Variants in SCARA5 observed in about 807,000 individuals in gnomAD.
SCARA5 encodes scavenger receptor class A member 5.
In SCARA5, 45 loss-of-function variants were observed where a neutral mutation model predicts 46.3. That is an observed-to-expected ratio of 0.97 (90% CI 0.76 to 1.24). SCARA5 has a LOEUF of 1.24. Among genes scored for constraint, SCARA5 ranks in the 50% most tolerant of loss-of-function variants. The probability of loss-of-function intolerance (pLI) is 0.00; values close to 1 mark genes in which losing one functional copy is unlikely to be tolerated. For synonymous variants in SCARA5, 333 were observed against 306.5 expected, an observed-to-expected ratio of 1.09 and a Z score of -0.90; for missense variants, 680 against 689.0, an observed-to-expected ratio of 0.99 and a Z score of 0.15.
rs1253422637 is a variant in SCARA5, at chr8:27,922,173, A to G, written c.314T>C (p.Phe105Ser). The G allele has an allele frequency of 6.2e-7, 1 of 1,607,540 alleles. No homozygotes were observed. The highest frequency in any genetic ancestry group is 8.5e-7 in the Non-Finnish European group (1 of 1,177,810). The change falls in exon 4 of 9, where the codon TTC becomes TCC. Residue 105 changes from phenylalanine (F) to serine (S), a missense_variant. Phe to Ser is a radical substitution (Grantham distance 155, BLOSUM62 -2). Around this residue, in one of 3 missense-constraint regions of SCARA5, gnomAD observed 438 missense variants for 384.5 expected, o/e 1.14. Coordinates refer to ENST00000354914, the MANE Select transcript of SCARA5 (RefSeq NM_173833.6). ...CAGCAGCCGCAGCTGCAAGTCCCGG[A>G]AGCTCTCATTCAGCCGGTTCACATT... is the stretch of plus-strand genomic sequence containing the variant. ...TRNVNRLNES[F>S]RDLQLRLLQA...
At chr8:27,875,535 GA>G (rs1278365780) in intron 8 of SCARA5, among the ~76,000 whole-genome samples, 1 of 152,176 alleles carries the variant, frequency 6.6e-6, no homozygotes, top group Admixed American at 6.5e-5. Context: ...CCTAGCTGAA[GA>G]GGGAGGGAAA....
chr8:27,914,236 G>C (rs1197461431), intron 4 of SCARA5, among the ~76,000 whole-genome samples: 2 of 152,238 alleles, frequency 1.3e-5, no homozygotes, highest in African/African-American at 4.8e-5. Flanking sequence ...CCTCAGCCAT[G>C]TGGACTGTGA....
intron 8 of SCARA5, among the ~76,000 whole-genome samples, chr8:27,877,767 G>T (rs766227519): frequency 1.3e-5 from 2 of 152,050 alleles, no homozygotes; most frequent in East Asian, 3.9e-4. Context: ...GGATCCCTTC[G>T]AACTCGCCCC....
At chr8:27,970,467 G>A (rs1174434347) in intron 2 of SCARA5, among the ~76,000 whole-genome samples, 3 of 152,090 alleles carry the variant, frequency 2.0e-5, no homozygotes, top group African/African-American at 7.2e-5. Context: ...CCTTTCTATG[G>A]CAATAACCTG....
chr8:27,911,574 C>T (rs1807377028), intron 4 of SCARA5, among the ~76,000 whole-genome samples: 1 of 152,108 alleles, frequency 6.6e-6, no homozygotes, highest in Non-Finnish European at 1.5e-5. Context: ...CGCCTGTAAT[C>T]CCAGCTACTC....
intron 7 of SCARA5, among the ~76,000 whole-genome samples, chr8:27,884,038 C>T (rs4545047): frequency 0.78 from 118,307 of 151,968 alleles, 46,138 homozygotes; most frequent in Non-Finnish European, 0.8. Flanking sequence ...GGCCACATGC[C>T]TGGGCCAAGA....
At chr8:27,908,527 C>T (rs1807310177) in intron 5 of SCARA5, among the ~76,000 whole-genome samples, 1 of 152,192 alleles carries the variant, frequency 6.6e-6, no homozygotes, top group African/African-American at 2.4e-5. Flanking sequence ...TTCTGGGACT[C>T]AGAGAAATCT....
In SCARA5 at chr8:27,907,168, AT is replaced by A; in HGVS notation, c.1075del (p.Met359TrpfsTer33). On this transcript the variant is annotated frameshift_variant, in exon 6 of 9. Coordinates refer to ENST00000354914, the MANE Select transcript of SCARA5 (RefSeq NM_173833.6). LOFTEE classifies it high-confidence loss of function. Reference sequence around the variant, plus strand: ...ATTACCTTTGAACCCACGCATGCCCATTGGTCCTGTGGCCCCCAGCTTCCCA... The same window carrying A: ...ATTACCTTTGAACCCACGCATGCCCATGGTCCTGTGGCCCCCAGCTTCCCA... ...DDGKLGATGPMGMRGFKGDRG... is the reference protein window; with the variant it reads ...DDGKLGATGPXGMRGFKGDRG... 1.2e-6 allele frequency: 2 copies of A among 1,613,672 alleles called. No homozygotes were observed. The highest frequency in any genetic ancestry group is 1.7e-6 in the Non-Finnish European group (2 of 1,179,778).
intron 8 of SCARA5, among the ~76,000 whole-genome samples, chr8:27,877,886 C>A (rs1806749959): frequency 6.6e-6 from 1 of 152,198 alleles, no homozygotes; most frequent in Admixed American, 6.5e-5. Flanking sequence ...AGATTCAGAC[C>A]AAGAACTGCA....
intron 8 of SCARA5, among the ~76,000 whole-genome samples, chr8:27,878,254 G>C (rs1445308698): frequency 1.3e-5 from 2 of 152,180 alleles, no homozygotes; most frequent in Non-Finnish European, 2.9e-5. Context: ...CCCAGGCTGG[G>C]AGACCCATTA....
intron 1 of SCARA5, 145 bp from the exon 2 acceptor site, chr8:27,987,775 A>T: frequency 1.7e-6 from 1 of 605,212 alleles, no homozygotes; most frequent in Non-Finnish European, 3.0e-6. Flanking sequence ...CCCTCTGCTC[A>T]TCACCAGGAC....
chr8:27,924,672 A>T (rs1807653370), intron 3 of SCARA5, among the ~76,000 whole-genome samples: 1 of 152,200 alleles, frequency 6.6e-6, no homozygotes, highest in Non-Finnish European at 1.5e-5. Context: ...CCTTGTATTC[A>T]ATTAGGAAAA....
At chr8:27,961,925 A>T (rs1043804860) in intron 3 of SCARA5, among the ~76,000 whole-genome samples, 10 of 152,126 alleles carry the variant, frequency 6.6e-5, no homozygotes, top group African/African-American at 2.4e-4. Flanking sequence ...TCATTCATTC[A>T]CATATTAAAA....
intron 3 of SCARA5, among the ~76,000 whole-genome samples, chr8:27,932,480 G>A (rs1359489797): frequency 1.3e-5 from 2 of 152,172 alleles, no homozygotes; most frequent in Non-Finnish European, 1.5e-5. Flanking sequence ...AACAACAAAC[G>A]TTTATGGTTT....
intron 8 of SCARA5, among the ~76,000 whole-genome samples, chr8:27,872,958 G>A (rs150466622): frequency 4.4e-4 from 67 of 152,326 alleles, no homozygotes; most frequent in Middle Eastern, 6.8e-3. Flanking sequence ...CTGCAGTGAC[G>A]TCAACACTGC....
At chr8:27,923,624 G>A (rs1429598608) in intron 3 of SCARA5, among the ~76,000 whole-genome samples, 1 of 152,144 alleles carries the variant, frequency 6.6e-6, no homozygotes, top group Non-Finnish European at 1.5e-5. Flanking sequence ...TCGCCAGGTT[G>A]GAGTGCAGTG....
chr8:27,961,369 G>A (rs1022554735), intron 3 of SCARA5, among the ~76,000 whole-genome samples: 4 of 152,176 alleles, frequency 2.6e-5, no homozygotes, highest in Non-Finnish European at 5.9e-5. Context: ...GCCACATGAC[G>A]TGCCTACTCC....
Position 27,879,694 on chromosome 8 carries a change from T to C in SCARA5, c.1226A>G (p.Tyr409Cys), listed in dbSNP as rs769496442. ...CACGGTGCCCCAACGCCGGTCGTGGTACACTTCCACGCGGCCCTCGTGCGG... is the reference window on the plus strand; with the variant it reads ...CACGGTGCCCCAACGCCGGTCGTGGCACACTTCCACGCGGCCCTCGTGCGG... ...SGPHEGRVEV[Y>C]HDRRWGTVCD... Residue 409 changes from tyrosine to cysteine, a missense_variant, in exon 8 of 9, where the codon TAC becomes TGC. Coordinates refer to ENST00000354914, the MANE Select transcript of SCARA5 (RefSeq NM_173833.6). 2.5e-6 allele frequency: 4 copies of C among 1,613,120 alleles called. No homozygotes were observed. In the South Asian group the frequency reaches 4.4e-5, roughly 18 times the overall value.
intron 2 of SCARA5, 68 bp downstream of exon 2, chr8:27,987,436 G>T: frequency 9.9e-7 from 1 of 1,010,476 alleles, no homozygotes; most frequent in Non-Finnish European, 1.6e-6. Flanking sequence ...AAGGTTGGGT[G>T]GTGGTAGGGC....
Sources: allele counts gnomAD v4.1 joint callset (sites outside exome capture counted in the v4.1 genomes callset), GRCh38; gene constraint gnomAD v4.1.1; regional missense constraint gnomAD v4.1.1; transcripts MANE v1.5; gene names NCBI Gene and HGNC (gene_info 2026-07-23, HGNC 2026-07-21).